The following SOX5 variants were observed in gnomAD, a reference collection of about 807,000 sequenced individuals.
SOX5 encodes SRY-box transcription factor 5.
SOX5 carries 9 observed loss-of-function variants against 92.0 expected under a neutral mutation model. The ratio of observed to expected loss-of-function variants is 0.10; its 90% confidence interval spans 0.06 to 0.17. The LOEUF is 0.17. Among genes scored for constraint, SOX5 ranks in the 10% least tolerant of loss-of-function variants. The pLI is 1.00. For missense variants in SOX5, 642 were observed against 944.5 expected (o/e 0.68, Z 4.20); for synonymous variants, 344 against 336.3 (o/e 1.02, Z -0.25).
intron 5 of SOX5, among the ~76,000 whole-genome samples, chr12:23,739,866 G>C (rs1171730563): frequency 6.6e-6 from 1 of 151,962 alleles, no homozygotes; most frequent in African/African-American, 2.4e-5. Context: ...TTATTATCCT[G>C]TTTATATTTT....
At chr12:24,280,749 T>A (rs1200026613) in intron 2 of SOX5, among the ~76,000 whole-genome samples, 1 of 151,980 alleles carries the variant, frequency 6.6e-6, no homozygotes, top group Non-Finnish European at 1.5e-5. Flanking sequence ...ATGAGAGGGT[T>A]TTATGTTTAC....
At chr12:23,588,899 A>AT (rs1346760236) in intron 9 of SOX5, among the ~76,000 whole-genome samples, 15 of 151,948 alleles carry the variant, frequency 9.9e-5, no homozygotes, top group Non-Finnish European at 2.1e-4. Context: ...CACAAATACC[A>AT]TTTTGTTACA....
intron 2 of SOX5, among the ~76,000 whole-genome samples, chr12:24,356,417 C>G (rs1954832073): frequency 6.6e-6 from 1 of 152,020 alleles, no homozygotes; most frequent in South Asian, 2.1e-4. Flanking sequence ...TCCATAGCAC[C>G]TTTGTTTCTC....
chr12:23,746,387 G>A (rs566266378), intron 4 of SOX5, among the ~76,000 whole-genome samples: 1 of 152,126 alleles, frequency 6.6e-6, no homozygotes, highest in African/African-American at 2.4e-5. Flanking sequence ...TCTATATAGT[G>A]TATAACCCTA....
intron 4 of SOX5, among the ~76,000 whole-genome samples, chr12:23,743,329 A>C (rs1281999971): frequency 6.6e-6 from 1 of 151,478 alleles, no homozygotes; most frequent in Non-Finnish European, 1.5e-5. Flanking sequence ...CTTTTTTTTG[A>C]GATAGAGTCT....
intron 1 of SOX5, among the ~76,000 whole-genome samples, chr12:24,539,269 C>A (rs1951907376): frequency 6.6e-6 from 1 of 151,920 alleles, no homozygotes; most frequent in South Asian, 2.1e-4. Context: ...AGAAAAAAAA[C>A]AACTGGGTAG....
At chr12:24,151,371 A>C (rs1951636778) in intron 4 of SOX5, among the ~76,000 whole-genome samples, 1 of 152,172 alleles carries the variant, frequency 6.6e-6, no homozygotes. Flanking sequence ...CTACACAGTC[A>C]TTGGATTTAA....
At chr12:23,662,942 A>C (rs552723044) in intron 7 of SOX5, among the ~76,000 whole-genome samples, 18 of 152,328 alleles carry the variant, frequency 1.2e-4, no homozygotes, top group African/African-American at 4.1e-4. Flanking sequence ...TATGTAATAA[A>C]GTGAAATAAT....
intron 2 of SOX5, among the ~76,000 whole-genome samples, chr12:24,334,183 T>C (rs1402603169): frequency 6.6e-6 from 1 of 151,826 alleles, no homozygotes; most frequent in Non-Finnish European, 1.5e-5. Context: ...AAAAGGTATA[T>C]GTGATTAGTT....
chr12:24,429,897 C>T (rs976019947), intron 1 of SOX5, among the ~76,000 whole-genome samples: 1 of 152,122 alleles, frequency 6.6e-6, no homozygotes, highest in African/African-American at 2.4e-5. Flanking sequence ...GCGTTTTCAC[C>T]TATTCCACAG....
chr12:23,657,768 G>T (rs2082498047), intron 7 of SOX5, among the ~76,000 whole-genome samples: 2 of 152,080 alleles, frequency 1.3e-5, no homozygotes, highest in African/African-American at 2.4e-5. Flanking sequence ...AAGTCTTTTG[G>T]CTGACAGCAC....
At chr12:24,371,486 C>G (rs1197443541) in intron 1 of SOX5, among the ~76,000 whole-genome samples, 1 of 152,194 alleles carries the variant, frequency 6.6e-6, no homozygotes, top group South Asian at 2.1e-4. Flanking sequence ...TTTTAAGCCA[C>G]TAAATTTGTG....
chr12:23,852,017 A>C (rs1403530754), intron 2 of SOX5, among the ~76,000 whole-genome samples: 2 of 152,200 alleles, frequency 1.3e-5, no homozygotes, highest in Admixed American at 6.5e-5. Context: ...AAGCAAGTTA[A>C]GAGCCAAGTT....
In SOX5 at chr12:23,761,485, G is replaced by A. The variant is rs1000040949; in HGVS notation, c.482-5761C>T. On this transcript the variant is annotated intron_variant, in intron 3 of 14. Coordinates refer to ENST00000451604, the MANE Select transcript of SOX5 (RefSeq NM_006940.6). The stretch of plus-strand genomic sequence containing the variant: ...GAAATTAGTGTTGGGAGATGACCGT[G>A]TGTATGGCTCAATACGATTTGGGTA... Among the ~76,000 whole-genome samples the A allele has an allele frequency of 2.0e-5, 3 of 152,114 alleles. No homozygotes were observed. The South Asian group carries it at 6.2e-4, about 31-fold the overall frequency.
intron 9 of SOX5, among the ~76,000 whole-genome samples, chr12:23,581,363 T>C (rs147326814): frequency 6.8e-4 from 103 of 152,238 alleles, no homozygotes; most frequent in African/African-American, 2.4e-3. Context: ...CCCTTCAGAA[T>C]ATAAATTTCA....
intron 2 of SOX5, among the ~76,000 whole-genome samples, chr12:24,285,469 G>A (rs1226943331): frequency 2.0e-5 from 3 of 151,994 alleles, no homozygotes; most frequent in African/African-American, 7.2e-5. Flanking sequence ...ATTGCTTATC[G>A]ATATTCTTTA....
intron 2 of SOX5, among the ~76,000 whole-genome samples, chr12:24,363,140 A>G (rs934158348): frequency 2.6e-5 from 4 of 152,200 alleles, no homozygotes; most frequent in African/African-American, 7.2e-5. Context: ...CCTGTGAAAT[A>G]ACATCTACTA....
intron 4 of SOX5, among the ~76,000 whole-genome samples, chr12:24,025,615 C>A (rs1191316633): frequency 1.3e-5 from 2 of 151,984 alleles, no homozygotes; most frequent in Non-Finnish European, 2.9e-5. Flanking sequence ...CTAGTGGTAC[C>A]TAATGCTTAT....
chr12:24,061,869 A>T (rs1458790003), intron 4 of SOX5, among the ~76,000 whole-genome samples: 4 of 152,194 alleles, frequency 2.6e-5, no homozygotes, highest in Admixed American at 6.5e-5. Context: ...TAGGAACATT[A>T]AAACACTGCT....
Sources: allele counts gnomAD v4.1 joint callset (sites outside exome capture counted in the v4.1 genomes callset), GRCh38; gene constraint gnomAD v4.1.1; transcripts MANE v1.5; gene names NCBI Gene and HGNC (gene_info 2026-07-23, HGNC 2026-07-21).